Variants in RIMS4 observed in about 807,000 individuals in gnomAD.
The protein encoded by RIMS4 is regulating synaptic membrane exocytosis 4.
A neutral mutation model predicts 29.0 loss-of-function variants in RIMS4; 9 were observed. The observed-to-expected ratio is 0.31, with a 90% CI of 0.19 to 0.54. RIMS4 has a LOEUF of 0.54. Ranked by LOEUF, RIMS4 falls within the 20% of genes least tolerant of loss-of-function variation. The probability of loss-of-function intolerance (pLI) is 0.94; values close to 1 mark genes in which losing one functional copy is unlikely to be tolerated. For missense variants in RIMS4, 193 were observed against 365.7 expected, an observed-to-expected ratio of 0.53 and a Z score of 3.85; for synonymous variants, 130 against 152.9, an observed-to-expected ratio of 0.85 and a Z score of 1.10.
intron 1 of RIMS4, among the ~76,000 whole-genome samples, chr20:44,776,673 A>G (rs899493241): frequency 1.3e-5 from 2 of 152,224 alleles, no homozygotes; most frequent in Non-Finnish European, 2.9e-5. Flanking sequence ...TAAAAATGTA[A>G]TAACATATAA....
At position 44,778,602 on chromosome 20, in the gene RIMS4, C is replaced by T. The variant is rs143265342; in HGVS notation, c.98-7189G>A. On this transcript the variant is annotated intron_variant, in intron 1 of 5. Coordinates refer to ENST00000372851, the MANE Select transcript of RIMS4 (RefSeq NM_182970.4). ...ATTGCTGGAGCCCAGGAGTTTGAGG[C>T]TGCAGTGAGCTATGATCACATTGCT... 9.4e-4 allele frequency among the ~76,000 whole-genome samples: 143 copies of T among 152,290 alleles called. 3 individuals are homozygous for T. The East Asian group carries it at 0.026, about 28-fold the overall frequency.
chr20:44,785,542 C>G (rs1260230885), intron 1 of RIMS4, among the ~76,000 whole-genome samples: 1 of 152,148 alleles, frequency 6.6e-6, no homozygotes, highest in Non-Finnish European at 1.5e-5. Context: ...CATACACAAA[C>G]CTGCAAATCT....
At chr20:44,778,438 G>A (rs550457756) in intron 1 of RIMS4, among the ~76,000 whole-genome samples, 1 of 152,320 alleles carries the variant, frequency 6.6e-6, no homozygotes, top group South Asian at 2.1e-4. Flanking sequence ...CACTTTGGGA[G>A]GCCAAGATGG....
chr20:44,790,857 T>G (rs117274933), intron 1 of RIMS4, among the ~76,000 whole-genome samples: 1 of 152,232 alleles, frequency 6.6e-6, no homozygotes, highest in Non-Finnish European at 1.5e-5. Flanking sequence ...GGGCCAGGCA[T>G]AGAATAAAAT....
At chr20:44,778,861 C>G (rs2066171720) in intron 1 of RIMS4, among the ~76,000 whole-genome samples, 1 of 152,170 alleles carries the variant, frequency 6.6e-6, no homozygotes, top group Non-Finnish European at 1.5e-5. Flanking sequence ...GTTACTCAAC[C>G]TCTCTGTGGC....
chr20:44,761,723 G>A (rs2066086081), intron 2 of RIMS4, among the ~76,000 whole-genome samples: 2 of 152,194 alleles, frequency 1.3e-5, no homozygotes. Flanking sequence ...GTTTCCACTT[G>A]AATCTTTGAA....
chr20:44,799,654 T>C (rs1357667486), intron 1 of RIMS4, among the ~76,000 whole-genome samples: 1 of 152,176 alleles, frequency 6.6e-6, no homozygotes, highest in African/African-American at 2.4e-5. Flanking sequence ...TGGCGTTCAC[T>C]AGGGACACTG....
At chr20:44,794,749 G>A (rs544699498) in intron 1 of RIMS4, among the ~76,000 whole-genome samples, 2 of 152,170 alleles carry the variant, frequency 1.3e-5, no homozygotes, top group Admixed American at 6.5e-5. Flanking sequence ...TGTCTCTTGC[G>A]CACTGGCCCA....
At chr20:44,777,897 AT>A (rs1391714015) in intron 1 of RIMS4, among the ~76,000 whole-genome samples, 1 of 152,160 alleles carries the variant, frequency 6.6e-6, no homozygotes, top group African/African-American at 2.4e-5. Flanking sequence ...TGACTGGGTT[AT>A]TTTAAACCAG....
At chr20:44,800,348 G>A (rs906502641) in intron 1 of RIMS4, among the ~76,000 whole-genome samples, 1 of 151,862 alleles carries the variant, frequency 6.6e-6, no homozygotes, top group Non-Finnish European at 1.5e-5. Flanking sequence ...GCTTTTTTAC[G>A]ATGTATCTAC....
rs1411216772 is a variant in RIMS4 at position 44,810,029 on chromosome 20, G to C, written c.97+146C>G. On this transcript the variant is annotated intron_variant, in intron 1 of 5. Transcript: ENST00000372851. Reference sequence around the variant, plus strand: ...GAAGGTAGCGCATCCTGGAGACCCTGGGGTCCCGTGGGTGCGGAAGGAGAC... The same window carrying C: ...GAAGGTAGCGCATCCTGGAGACCCTCGGGTCCCGTGGGTGCGGAAGGAGAC... 4 of 390,298 alleles carry C rather than the reference G, an allele frequency of 1.0e-5. No individual in the cohort carries two copies. In the Admixed American group the frequency reaches 1.5e-4, roughly 15 times the overall value. 24.2% of individuals were successfully genotyped at this position (390,298 alleles called of 1,614,324 possible).
intron 1 of RIMS4, among the ~76,000 whole-genome samples, chr20:44,803,142 T>C (rs183259502): frequency 2.5e-4 from 38 of 152,300 alleles, no homozygotes; most frequent in Non-Finnish European, 7.4e-5. Context: ...CACCCCAGAA[T>C]ATAACTCCCT....
chr20:44,758,427 C>A (rs983792377), intron 2 of RIMS4, among the ~76,000 whole-genome samples: 1 of 152,194 alleles, frequency 6.6e-6, no homozygotes, highest in South Asian at 2.1e-4. Context: ...GCCCACTCCA[C>A]CCCCAGCTGC....
intron 1 of RIMS4, among the ~76,000 whole-genome samples, chr20:44,796,957 T>A (rs2066257779): frequency 6.6e-6 from 1 of 152,210 alleles, no homozygotes; most frequent in Non-Finnish European, 1.5e-5. Flanking sequence ...CTGTCATTCC[T>A]CATGTCCTAA....
At chr20:44,805,387 C>G (rs1327660036) in intron 1 of RIMS4, among the ~76,000 whole-genome samples, 1 of 152,148 alleles carries the variant, frequency 6.6e-6, no homozygotes, top group Non-Finnish European at 1.5e-5. Flanking sequence ...ATGGGAACAA[C>G]TGGTTCAATT....
chr20:44,796,041 C>T (rs1012655793), intron 1 of RIMS4, among the ~76,000 whole-genome samples: 1 of 151,904 alleles, frequency 6.6e-6, no homozygotes, highest in Non-Finnish European at 1.5e-5. Flanking sequence ...TTCCATCCCC[C>T]TTCCCATCAC....
rs146191638 is a variant in RIMS4, at chr20:44,783,027, A to G, written c.98-11614T>C. On this transcript the variant is annotated intron_variant, in intron 1 of 5. Transcript: ENST00000372851. Reference sequence around the variant, plus strand: ...ACAGTAAGATACAGGCACTCAGTAAATTGCAGCTACTATTATAAACAATAC... The same window carrying G: ...ACAGTAAGATACAGGCACTCAGTAAGTTGCAGCTACTATTATAAACAATAC... Among the ~76,000 whole-genome samples the G allele has an allele frequency of 4.5e-3, 681 of 152,330 alleles. 26 individuals are homozygous for G. The highest frequency in any genetic ancestry group is 0.04 in the Admixed American group (615 of 15,300).
At chr20:44,803,660 G>C (rs1461919592) in intron 1 of RIMS4, among the ~76,000 whole-genome samples, 1 of 152,162 alleles carries the variant, frequency 6.6e-6, no homozygotes, top group Non-Finnish European at 1.5e-5. Context: ...GAAGGGGAGG[G>C]GGGAGGAAGG....
intron 2 of RIMS4, among the ~76,000 whole-genome samples, chr20:44,766,479 G>A (rs541744683): frequency 6.6e-6 from 1 of 152,268 alleles, no homozygotes; most frequent in South Asian, 2.1e-4. Flanking sequence ...GAGAGGCTGG[G>A]AAAAGTCAGA....
Sources: gnomAD v4.1 joint callset for allele counts (sites outside exome capture counted in the v4.1 genomes callset) on GRCh38, gnomAD v4.1.1 for gene constraint, MANE v1.5 for transcripts, NCBI Gene and HGNC (gene_info 2026-07-23, HGNC 2026-07-21) for gene names.